The following TFCP2L1 variants were observed in gnomAD, a reference collection of about 807,000 sequenced individuals.
TFCP2L1 encodes transcription factor CP2-like protein 1.
A neutral mutation model predicts 72.2 loss-of-function variants in TFCP2L1; 12 were observed. That is an observed-to-expected ratio of 0.17 (90% CI 0.11 to 0.27). TFCP2L1 has a LOEUF of 0.27. Among genes scored for constraint, TFCP2L1 ranks in the 10% least tolerant of loss-of-function variants. The pLI is 1.00. For missense variants in TFCP2L1, 488 were observed against 624.6 expected (o/e 0.78, Z 2.33); for synonymous variants, 260 against 251.0 (o/e 1.04, Z -0.34).
chr2:121,225,756 T>C, intron 13 of TFCP2L1, 143 bp from the exon 14 acceptor site: 1 of 783,166 alleles, frequency 1.3e-6, no homozygotes, highest in South Asian at 1.6e-5. Flanking sequence ...AGGAACGCGG[T>C]AAACACCACT....
intron 2 of TFCP2L1, among the ~76,000 whole-genome samples, chr2:121,265,182 C>A (rs1433142960): frequency 6.6e-6 from 1 of 152,116 alleles, no homozygotes; most frequent in Non-Finnish European, 1.5e-5. Context: ...AACATGAAGA[C>A]CCTTAAAAAC....
intron 2 of TFCP2L1, among the ~76,000 whole-genome samples, chr2:121,250,949 T>A (rs1213850858): frequency 6.6e-6 from 1 of 151,608 alleles, no homozygotes; most frequent in East Asian, 2.0e-4. Context: ...TTATTTTTAA[T>A]AATTATAGAC....
At chr2:121,258,369 TA>T (rs1356056162) in intron 2 of TFCP2L1, among the ~76,000 whole-genome samples, 2 of 152,110 alleles carry the variant, frequency 1.3e-5, no homozygotes, top group Admixed American at 1.3e-4. Flanking sequence ...GCTTAGGCGC[TA>T]AAAAATCTGC....
At chr2:121,248,898 TA>T in intron 4 of TFCP2L1, 83 bp downstream of exon 4, 1 of 1,120,598 alleles carries the variant, frequency 8.9e-7, no homozygotes, top group South Asian at 1.7e-5. Context: ...CTTCTCGGCA[TA>T]GGTCCGGGTG....
intron 13 of TFCP2L1, among the ~76,000 whole-genome samples, chr2:121,230,063 A>C (rs1435008870): frequency 6.6e-6 from 1 of 152,140 alleles, no homozygotes; most frequent in Non-Finnish European, 1.5e-5. Flanking sequence ...CTCTATACAG[A>C]GGCCTTCAGA....
chr2:121,250,805 CCA>C, intron 2 of TFCP2L1, among the ~76,000 whole-genome samples: 1 of 151,638 alleles, frequency 6.6e-6, no homozygotes, highest in Admixed American at 6.6e-5. Context: ...CAGGGTTTCA[CCA>C]TGTTAGCCAG....
Position 121,224,323 on chromosome 2 carries a change from T to C in TFCP2L1, c.*18A>G. On this transcript the variant is annotated 3_prime_UTR_variant, in exon 15 of 15. Coordinates refer to ENST00000263707, the MANE Select transcript of TFCP2L1 (RefSeq NM_014553.3). ...CACAGGGCTGGGAGCTGGAGACAGGTATGAGGTCCACTGCTGCTCAGAGTC... is the reference window on the plus strand; with the variant it reads ...CACAGGGCTGGGAGCTGGAGACAGGCATGAGGTCCACTGCTGCTCAGAGTC... The C allele has an allele frequency of 1.2e-6, 2 of 1,613,744 alleles. No individual in the cohort carries two copies. Among genetic ancestry groups the C allele is most frequent in the East Asian group, 2.2e-5 (1 of 44,876 alleles).
At chr2:121,235,105 G>A (rs1686218134) in intron 11 of TFCP2L1, 116 bp downstream of exon 11, 5 of 1,048,090 alleles carry the variant, frequency 4.8e-6, no homozygotes, top group South Asian at 1.4e-5. Context: ...CACACTGCAG[G>A]AGTCCTGTCC....
chr2:121,260,271 G>T (rs187478576), intron 2 of TFCP2L1, among the ~76,000 whole-genome samples: 2 of 150,556 alleles, frequency 1.3e-5, no homozygotes, highest in African/African-American at 5.0e-5. Flanking sequence ...AGGGAGCTGG[G>T]GTCAGGTCAG....
intron 2 of TFCP2L1, among the ~76,000 whole-genome samples, chr2:121,269,918 A>AAAAAAAAAAAAAAAAAATATATAT: frequency 7.4e-4 from 85 of 115,102 alleles, no homozygotes; most frequent in African/African-American, 3.0e-3. Flanking sequence ...AAAAAAAAAA[A>AAAAAAAAAAAAAAAAAATATATAT]ATATATATAT....
chr2:121,275,704 C>T, intron 2 of TFCP2L1, among the ~76,000 whole-genome samples: 1 of 151,456 alleles, frequency 6.6e-6, no homozygotes, highest in East Asian at 2.0e-4. Context: ...CCAAGTAGCT[C>T]GGATCACAGG....
In TFCP2L1 at chr2:121,234,157, C is replaced by G; in HGVS notation, c.1132G>C (p.Glu378Gln). ...RPKMTIYVCQ[E>Q]LEQNRVPLQQ... ...AGGGGCACTCGATTCTGCTCCAGCT[C>G]CTGACAGACATAAATGGTCATCTTT... Residue 378 changes from glutamate to glutamine, a missense_variant, in exon 12 of 15, where the codon GAG (glutamate) becomes CAG (glutamine). By Grantham distance (29) the Glu-to-Gln change is conservative. Around this residue, in one of 3 missense-constraint regions of TFCP2L1, gnomAD observed 286 missense variants for 329.0 expected, o/e 0.87. Transcript: ENST00000263707. 6.2e-7 allele frequency: 1 copy of G among 1,614,146 alleles called. No individual in the cohort carries two copies. The highest frequency in any genetic ancestry group is 1.1e-5 in the South Asian group (1 of 91,068).
At position 121,242,436 on chromosome 2, in the gene TFCP2L1, G is replaced by A. The variant is rs267598857; in HGVS notation, c.691C>T (p.Arg231Trp). ...KGADRKQKTDREKMEKRTAQE... is the reference protein window; with the variant it reads ...KGADRKQKTDWEKMEKRTAQE... Reference sequence around the variant, plus strand: ...GCAGTTCTTTTCTCCATCTTCTCCCGGTCAGTCTTCTGTTTCCGATCGGCT... The same window carrying A: ...GCAGTTCTTTTCTCCATCTTCTCCCAGTCAGTCTTCTGTTTCCGATCGGCT... Residue 231 changes from arginine to tryptophan, a missense_variant, in exon 7 of 15, where the codon CGG (arginine) becomes TGG (tryptophan). Physicochemically the swap from Arg to Trp is moderately radical, Grantham distance 101. Around this residue, in one of 3 missense-constraint regions of TFCP2L1, gnomAD observed 286 missense variants for 329.0 expected, o/e 0.87. Transcript: ENST00000263707. 6.8e-6 allele frequency: 11 copies of A among 1,613,962 alleles called. No homozygotes were observed. Among genetic ancestry groups the A allele is most frequent in the Admixed American group, 3.3e-5 (2 of 59,992 alleles).
intron 10 of TFCP2L1, among the ~76,000 whole-genome samples, chr2:121,235,865 G>C (rs1686238995): frequency 6.6e-6 from 1 of 151,972 alleles, no homozygotes; most frequent in Non-Finnish European, 1.5e-5. Context: ...CCAGCACTCA[G>C]AGCCAGCAGT....
At chr2:121,261,629 C>A (rs998818721) in intron 2 of TFCP2L1, among the ~76,000 whole-genome samples, 5 of 152,072 alleles carry the variant, frequency 3.3e-5, no homozygotes, top group African/African-American at 1.2e-4. Flanking sequence ...ATTCCAATTA[C>A]AGAAGAAAAT....
At chr2:121,259,526 TA>T (rs1448600344) in intron 2 of TFCP2L1, among the ~76,000 whole-genome samples, 1 of 152,220 alleles carries the variant, frequency 6.6e-6, no homozygotes, top group Non-Finnish European at 1.5e-5. Flanking sequence ...ATATACATAC[TA>T]ACCATAATAA....
intron 2 of TFCP2L1, among the ~76,000 whole-genome samples, chr2:121,260,503 T>C (rs567904278): frequency 6.6e-6 from 1 of 152,304 alleles, no homozygotes; most frequent in African/African-American, 2.4e-5. Flanking sequence ...TACGGAGCCC[T>C]ACCCATGCAC....
chr2:121,264,301 A>G (rs1686886635), intron 2 of TFCP2L1, among the ~76,000 whole-genome samples: 1 of 152,128 alleles, frequency 6.6e-6, no homozygotes, highest in South Asian at 2.1e-4. Context: ...AGCAGTCTCT[A>G]CTAAGGCAAC....
Position 121,224,323 on chromosome 2 carries a change from TATGAGGTCCA to T in TFCP2L1, c.*8_*17del. On this transcript the variant is annotated 3_prime_UTR_variant, in exon 15 of 15. Coordinates refer to ENST00000263707, the MANE Select transcript of TFCP2L1 (RefSeq NM_014553.3). ...CACAGGGCTGGGAGCTGGAGACAGGTATGAGGTCCACTGCTGCTCAGAGTCCACATTTCAG... is the reference window on the plus strand; with the variant it reads ...CACAGGGCTGGGAGCTGGAGACAGGTCTGCTGCTCAGAGTCCACATTTCAG... 6.2e-7 allele frequency: 1 copy of T among 1,613,744 alleles called. No homozygotes were observed. Among genetic ancestry groups the T allele is most frequent in the Non-Finnish European group, 8.5e-7 (1 of 1,179,924 alleles).
Sources: gnomAD v4.1 joint callset for allele counts (sites outside exome capture counted in the v4.1 genomes callset) on GRCh38, gnomAD v4.1.1 for gene constraint, gnomAD v4.1.1 regional missense constraint, MANE v1.5 for transcripts, NCBI Gene and HGNC (gene_info 2026-07-23, HGNC 2026-07-21) for gene names.